CEP112: variants seen among roughly 807,000 people sequenced by gnomAD.
CEP112 encodes centrosomal protein 112.
A neutral mutation model predicts 153.0 loss-of-function variants in CEP112; 127 were observed. That is an observed-to-expected ratio of 0.83 (90% CI 0.72 to 0.96). The LOEUF (loss-of-function observed/expected upper bound fraction) is 0.96, where lower values mean the gene tolerates loss of function less well. Among genes scored for constraint, CEP112 ranks in the 40% least tolerant of loss-of-function variants. The pLI, the probability that CEP112 is intolerant of heterozygous loss-of-function variation, is 0.00. For synonymous variants in CEP112, 358 were observed against 374.4 expected, an observed-to-expected ratio of 0.96 and a Z score of 0.51; for missense variants, 1,089 against 1,101.2, an observed-to-expected ratio of 0.99 and a Z score of 0.16.
At chr17:65,663,462 TA>T (rs754569672) in intron 24 of CEP112, among the ~76,000 whole-genome samples, 66 of 152,278 alleles carry the variant, frequency 4.3e-4, no homozygotes, top group Middle Eastern at 6.8e-3. Flanking sequence ...ATGGCAACCA[TA>T]AGAAGTCTGA....
In CEP112 at chr17:65,857,949, G is replaced by A. The variant is rs147829083; in HGVS notation, c.2164-5915C>T. On this transcript the variant is annotated intron_variant, in intron 20 of 26. Coordinates refer to ENST00000535342, the MANE Select transcript of CEP112 (RefSeq NM_001199165.4). ...GGTTATAGGATGATTCACATTTTCCGGTCTTTTACAGAGTCAGTTTTGGTA... is the reference window on the plus strand; with the variant it reads ...GGTTATAGGATGATTCACATTTTCCAGTCTTTTACAGAGTCAGTTTTGGTA... 1.1e-3 allele frequency among the ~76,000 whole-genome samples: 170 copies of A among 152,120 alleles called. 1 individual carries two copies. Among genetic ancestry groups the A allele is most frequent in the Middle Eastern group, 0.01 (3 of 294 alleles).
intron 24 of CEP112, among the ~76,000 whole-genome samples, chr17:65,674,544 A>G (rs2047137010): frequency 6.6e-6 from 1 of 152,124 alleles, no homozygotes. Context: ...ACTCAGGAGG[A>G]GTGTCTGATA....
At chr17:65,683,121 T>C (rs1452174373) in intron 24 of CEP112, among the ~76,000 whole-genome samples, 2 of 152,032 alleles carry the variant, frequency 1.3e-5, no homozygotes, top group African/African-American at 2.4e-5. Flanking sequence ...CCCTGTGCCT[T>C]GGTGAGGGTA....
At chr17:65,826,310 C>G in intron 21 of CEP112, 1 of 1,613,956 alleles carries the variant, frequency 6.2e-7, no homozygotes, top group East Asian at 2.2e-5. Flanking sequence ...CTTCGTTGAC[C>G]CCCATTAAGA....
intron 16 of CEP112, among the ~76,000 whole-genome samples, chr17:66,013,105 A>G (rs892619146): frequency 3.0e-5 from 4 of 134,672 alleles, no homozygotes; most frequent in Non-Finnish European, 6.4e-5. Flanking sequence ...TGGCATTTTC[A>G]TATTTCATAT....
At chr17:66,096,661 G>C in intron 6 of CEP112, 29 bp from the exon 7 acceptor site, 3 of 1,397,130 alleles carry the variant, frequency 2.1e-6, no homozygotes, top group Non-Finnish European at 3.0e-6. Context: ...AACAAAATAA[G>C]GATTTATTAA....
At chr17:66,060,867 C>A (rs2066895279) in intron 11 of CEP112, among the ~76,000 whole-genome samples, 1 of 148,536 alleles carries the variant, frequency 6.7e-6, no homozygotes. Context: ...CTATACAGCA[C>A]CTCAAAGCAC....
chr17:65,777,271 G>GTTA (rs2053732743), intron 21 of CEP112, among the ~76,000 whole-genome samples: 1 of 152,286 alleles, frequency 6.6e-6, no homozygotes, highest in African/African-American at 2.4e-5. Flanking sequence ...GGATGGCATA[G>GTTA]GGTAAGCCAG....
At chr17:65,781,235 G>C (rs2053978483) in intron 21 of CEP112, among the ~76,000 whole-genome samples, 2 of 152,072 alleles carry the variant, frequency 1.3e-5, no homozygotes, top group African/African-American at 4.8e-5. Context: ...TCCAAGTTGA[G>C]AGCCAAATCA....
chr17:65,913,833 G>A, intron 19 of CEP112: 2 of 985,452 alleles, frequency 2.0e-6, no homozygotes, highest in Non-Finnish European at 2.4e-6. Flanking sequence ...GATGAAGCAA[G>A]GCTGGAAGCA....
At chr17:65,796,679 G>C (rs891503752) in intron 21 of CEP112, among the ~76,000 whole-genome samples, 1 of 151,956 alleles carries the variant, frequency 6.6e-6, no homozygotes, top group Non-Finnish European at 1.5e-5. Flanking sequence ...ATCAGTTAAA[G>C]TCGAATATTG....
intron 21 of CEP112, among the ~76,000 whole-genome samples, chr17:65,846,514 C>T (rs915769146): frequency 1.3e-5 from 2 of 152,146 alleles, no homozygotes; most frequent in Non-Finnish European, 2.9e-5. Context: ...TTCACATGAC[C>T]AGGCACAGAG....
intron 24 of CEP112, among the ~76,000 whole-genome samples, chr17:65,662,143 A>AT (rs1243692539): frequency 6.6e-6 from 1 of 152,006 alleles, no homozygotes; most frequent in Non-Finnish European, 1.5e-5. Context: ...TAAGTTCTGT[A>AT]TTTTTTGTAG....
At chr17:66,041,943 A>T (rs2066001162) in intron 12 of CEP112, among the ~76,000 whole-genome samples, 1 of 152,224 alleles carries the variant, frequency 6.6e-6, no homozygotes, top group Non-Finnish European at 1.5e-5. Context: ...CTTCCTTTCA[A>T]GTAGTACAGT....
intron 20 of CEP112, among the ~76,000 whole-genome samples, chr17:65,852,672 A>G (rs1458868351): frequency 2.6e-5 from 4 of 151,640 alleles, no homozygotes; most frequent in African/African-American, 9.7e-5. Flanking sequence ...TATTTTTCTG[A>G]AACTTGCTGT....
At chr17:66,175,334 T>A in intron 3 of CEP112, 118 bp from the exon 4 acceptor site, 2 of 642,538 alleles carry the variant, frequency 3.1e-6, no homozygotes, top group Non-Finnish European at 5.0e-6. Context: ...TCAATTACAT[T>A]CAAACATTTA....
chr17:65,765,355 C>T (rs7223214), intron 21 of CEP112, among the ~76,000 whole-genome samples: 66,164 of 150,978 alleles, frequency 0.44, 15,150 homozygotes, highest in East Asian at 0.78. Context: ...GTCATATTTC[C>T]TTCCTTTTTT....
intron 4 of CEP112, among the ~76,000 whole-genome samples, chr17:66,151,205 C>T (rs929378980): frequency 2.0e-5 from 3 of 152,046 alleles, no homozygotes; most frequent in South Asian, 4.1e-4. Flanking sequence ...ATTTATGGTT[C>T]TATTTAGTCT....
intron 12 of CEP112, among the ~76,000 whole-genome samples, chr17:66,031,486 G>GGT (rs2065475762): frequency 2.8e-4 from 6 of 21,438 alleles, no homozygotes; most frequent in African/African-American, 8.5e-4. Flanking sequence ...TTTTTTTTTT[G>GGT]TTTTTTTTTT....
Sources: gnomAD v4.1 joint callset for allele counts (sites outside exome capture counted in the v4.1 genomes callset) on GRCh38, gnomAD v4.1.1 for gene constraint, MANE v1.5 for transcripts, NCBI Gene and HGNC (gene_info 2026-07-23, HGNC 2026-07-21) for gene names.